RPL14: variants seen among roughly 807,000 people sequenced by gnomAD.
RPL14 encodes the protein ribosomal protein L14.
A neutral mutation model predicts 25.3 loss-of-function variants in RPL14; 4 were observed. The ratio of observed to expected loss-of-function variants is 0.16; its 90% confidence interval spans 0.08 to 0.36. The LOEUF is 0.36. Among genes scored for constraint, RPL14 ranks in the 10% least tolerant of loss-of-function variants. The pLI is 1.00. For synonymous variants in RPL14, 75 were observed against 89.8 expected (o/e 0.84, Z 0.93); for missense variants, 212 against 261.9 (o/e 0.81, Z 1.31).
chr3:40,458,127 A>G, intron 2 of RPL14, 136 bp downstream of exon 2: 2 of 723,898 alleles, frequency 2.8e-6, no homozygotes, highest in South Asian at 1.6e-5. Flanking sequence ...GGAAACAGGT[A>G]ATGGTACGGG....
chr3:40,466,771 T>A lies in RPL14; in HGVS notation c.*4539T>A, dbSNP rs529823900. ...GTACTTAGTAATTTGGGTTGAATTG[T>A]GTTGAACTAACCTGGCGGTATAGGC... is the stretch of plus-strand genomic sequence containing the variant. On this transcript the variant is annotated 3_prime_UTR_variant, in exon 6 of 6. Transcript: ENST00000396203. 6.6e-6 allele frequency: 1 copy of A among 152,346 alleles called. No individual in the cohort carries two copies. The highest frequency in any genetic ancestry group is 6.5e-5 in the Admixed American group (1 of 15,302). The allele number at this position is 152,346 out of a possible 1,614,324, so 9.4% of individuals were successfully genotyped here. A position where few individuals can be genotyped will look rare whatever the true frequency, so the allele number is the denominator to read the frequency against.
rs1223309101 is a variant in RPL14, at chr3:40,461,679, T to C, written c.354+18T>C. The C allele has an allele frequency of 1.3e-6, 2 of 1,584,820 alleles. No individual in the cohort carries two copies. The highest frequency in any genetic ancestry group is 2.2e-5 in the East Asian group (1 of 44,732). The stretch of plus-strand genomic sequence containing the variant: ...AGAAAATGGTAAGATTTAAGATCTG[T>C]ATTTTTGTGTAACTTAGCTTTAAAT... On this transcript the variant is annotated intron_variant, in intron 5 of 5. Transcript: ENST00000396203.
chr3:40,457,610 C>T (rs1470286591), intron 1 of RPL14, 136 bp downstream of exon 1: 2 of 736,480 alleles, frequency 2.7e-6, no homozygotes, highest in Non-Finnish European at 4.4e-6. Context: ...CGCGCCTCCG[C>T]CGCTGGAGCT....
Position 40,464,633 on chromosome 3 carries a change from G to C in RPL14, c.*2401G>C. 2.3e-6 allele frequency: 1 copy of C among 425,812 alleles called. No homozygotes were observed. The highest frequency in any genetic ancestry group is 1.7e-5 in the South Asian group (1 of 59,176). The allele number at this position is 425,812 out of a possible 1,614,324, so 26.4% of individuals were successfully genotyped here. A position where few individuals can be genotyped will look rare whatever the true frequency, so the allele number is the denominator to read the frequency against. On this transcript the variant is annotated 3_prime_UTR_variant, in exon 6 of 6. Coordinates refer to ENST00000396203, the MANE Select transcript of RPL14 (RefSeq NM_001034996.3). ...AAAATGGCGTGATATCTCAGATTTA[G>C]ATCATTGAACTGTTAAGACTGAATC...
rs1358103725 is a variant in RPL14, at chr3:40,464,956, A to G, written c.*2724A>G. The G allele has an allele frequency of 5.8e-6, 1 of 172,954 alleles. No individual in the cohort carries two copies. Among genetic ancestry groups the G allele is most frequent in the Non-Finnish European group, 1.3e-5 (1 of 79,686 alleles). The allele number at this position is 172,954 out of a possible 1,614,324, so 10.7% of individuals were successfully genotyped here. ...CTAAAATCCTGGCTCTGCCTCTTGA[A>G]AGCTATGTAGTTTAGGCACATAGTC... On this transcript the variant is annotated 3_prime_UTR_variant, in exon 6 of 6. Coordinates refer to ENST00000396203, the MANE Select transcript of RPL14 (RefSeq NM_001034996.3).
chr3:40,462,373 C>CTTTTTT lies in RPL14; in HGVS notation c.*157_*162dup, dbSNP rs35229215. 8.5e-4 allele frequency: 284 copies of CTTTTTT among 332,340 alleles called. 1 individual carries two copies. The highest frequency in any genetic ancestry group is 1.7e-3 in the South Asian group (47 of 26,872). The allele number at this position is 332,340 out of a possible 1,614,324, so 20.6% of individuals were successfully genotyped here. A position where few individuals can be genotyped will look rare whatever the true frequency, so the allele number is the denominator to read the frequency against. On this transcript the variant is annotated 3_prime_UTR_variant, in exon 6 of 6. Coordinates refer to ENST00000396203, the MANE Select transcript of RPL14 (RefSeq NM_001034996.3). ...ATAATAAACATTAAATAATCAGTTC[C>CTTTTTT]TTTTTTTTTTTTTTTTTTTTTGAGA...
In RPL14 at chr3:40,467,593, C is replaced by T. The variant is rs374989632; in HGVS notation, c.*5361C>T. 5.9e-5 allele frequency: 9 copies of T among 152,416 alleles called. No individual in the cohort carries two copies. The East Asian group carries it at 1.5e-3, about 26-fold the overall frequency. The allele number at this position is 152,416 out of a possible 1,614,324, so 9.4% of individuals were successfully genotyped here. On this transcript the variant is annotated 3_prime_UTR_variant, in exon 6 of 6. Coordinates refer to ENST00000396203, the MANE Select transcript of RPL14 (RefSeq NM_001034996.3). ...TCAGTCTACCCATTCAAATGCCAAT[C>T]TCTTCCAGAGGTAATCTCACAGATT... is the stretch of plus-strand genomic sequence containing the variant.
intron 5 of RPL14, 32 bp downstream of exon 5, chr3:40,461,693 T>G: frequency 6.4e-7 from 1 of 1,569,276 alleles, no homozygotes; most frequent in African/African-American, 1.4e-5. Flanking sequence ...TTTGTGTAAC[T>G]TAGCTTTAAA....
chr3:40,457,569 G>A, intron 1 of RPL14, 95 bp downstream of exon 1: 1 of 1,074,666 alleles, frequency 9.3e-7, no homozygotes. Flanking sequence ...TGGAGGGCCC[G>A]GCAGGCCTGG....
At position 40,466,256 on chromosome 3, in the gene RPL14, G is replaced by A. The variant is rs569366282; in HGVS notation, c.*4024G>A. 1 of 152,264 alleles carries A rather than the reference G, an allele frequency of 6.6e-6. No individual in the cohort carries two copies. The highest frequency in any genetic ancestry group is 1.5e-5 in the Non-Finnish European group (1 of 68,056). 9.4% of individuals were successfully genotyped at this position (152,264 alleles called of 1,614,324 possible). A position where few individuals can be genotyped will look rare whatever the true frequency, so the allele number is the denominator to read the frequency against. The stretch of plus-strand genomic sequence containing the variant: ...CAGTCTGGTAGCATAGTGTGGATTG[G>A]GTTGGGGGATGGGGAAGGAGAGCAG... On this transcript the variant is annotated 3_prime_UTR_variant, in exon 6 of 6. Transcript: ENST00000396203.
intron 1 of RPL14, 55 bp downstream of exon 1, chr3:40,457,529 C>G: frequency 1.4e-6 from 2 of 1,405,502 alleles, no homozygotes; most frequent in Admixed American, 4.0e-5. Flanking sequence ...CGGACTCGCG[C>G]CCTTCCCGGA....
intron 2 of RPL14, 138 bp from the exon 3 acceptor site, chr3:40,458,504 C>T: frequency 1.5e-6 from 1 of 656,208 alleles, no homozygotes; most frequent in Non-Finnish European, 2.7e-6. Flanking sequence ...TAGGACAATC[C>T]TTGTCTTTTC....
chr3:40,461,093 G>A (rs946406936), intron 3 of RPL14, among the ~76,000 whole-genome samples: 1 of 152,070 alleles, frequency 6.6e-6, no homozygotes, highest in Admixed American at 6.6e-5. Flanking sequence ...CTACTTGGGA[G>A]GCTGAGGCAG....
Position 40,460,677 on chromosome 3 carries a change from A to C in RPL14, c.201-730A>C, listed in dbSNP as rs554901190. ...CACCCAGGCTAGAGTGCAGTGACGC[A>C]ATCTTGACTCACTGCAACCTCAGGC... On this transcript the variant is annotated intron_variant, in intron 3 of 5. Transcript: ENST00000396203. Among the ~76,000 whole-genome samples the C allele has an allele frequency of 7.9e-5, 12 of 151,354 alleles. No homozygotes were observed. The East Asian group carries it at 1.9e-3, about 25-fold the overall frequency.
rs1696983957 is a variant in RPL14 at position 40,463,649 on chromosome 3, G to A, written c.*1417G>A. On this transcript the variant is annotated 3_prime_UTR_variant, in exon 6 of 6. Coordinates refer to ENST00000396203, the MANE Select transcript of RPL14 (RefSeq NM_001034996.3). The stretch of plus-strand genomic sequence containing the variant: ...TTAAAAATCCCTAGCCTACCCGCAT[G>A]GTGGGTTATGGTCAAAATACAGGTA... The A allele has an allele frequency of 6.6e-6, 1 of 152,208 alleles. No homozygotes were observed. The highest frequency in any genetic ancestry group is 6.6e-5 in the Admixed American group (1 of 15,256). The allele number at this position is 152,208 out of a possible 1,614,324, so 9.4% of individuals were successfully genotyped here.
rs1200521538 is a variant in RPL14, at chr3:40,466,208, A to C, written c.*3976A>C. 3 of 152,090 alleles carry C rather than the reference A, an allele frequency of 2.0e-5. No homozygotes were observed. The highest frequency in any genetic ancestry group is 2.0e-4 in the Admixed American group (3 of 15,254). 9.4% of individuals were successfully genotyped at this position (152,090 alleles called of 1,614,324 possible). ...TCTGTCTCAAAAAAAAGACTTGAGC[A>C]AGGGCGTAATCTTCAGGAAGGTCAG... On this transcript the variant is annotated 3_prime_UTR_variant, in exon 6 of 6. Coordinates refer to ENST00000396203, the MANE Select transcript of RPL14 (RefSeq NM_001034996.3).
rs1406384227 is a variant in RPL14 at position 40,467,831 on chromosome 3, T to C, written c.*5599T>C. The C allele has an allele frequency of 6.6e-6, 1 of 152,122 alleles. No individual in the cohort carries two copies. Among genetic ancestry groups the C allele is most frequent in the Admixed American group, 6.5e-5 (1 of 15,270 alleles). The allele number at this position is 152,122 out of a possible 1,614,324, so 9.4% of individuals were successfully genotyped here. A position where few individuals can be genotyped will look rare whatever the true frequency, so the allele number is the denominator to read the frequency against. The stretch of plus-strand genomic sequence containing the variant: ...TTTTTTGTGTGTGTGTGTTTTTTTT[T>C]TTTTTGAGACGAGGTCTTGCTCTCG... On this transcript the variant is annotated 3_prime_UTR_variant, in exon 6 of 6. Coordinates refer to ENST00000396203, the MANE Select transcript of RPL14 (RefSeq NM_001034996.3).
At position 40,468,015 on chromosome 3, in the gene RPL14, T is replaced by A. The variant is rs2125628098; in HGVS notation, c.*5783T>A. 1 of 152,296 alleles carries A rather than the reference T, an allele frequency of 6.6e-6. No homozygotes were observed. Among genetic ancestry groups the A allele is most frequent in the South Asian group, 2.1e-4 (1 of 4,832 alleles). The allele number at this position is 152,296 out of a possible 1,614,324, so 9.4% of individuals were successfully genotyped here. A position where few individuals can be genotyped will look rare whatever the true frequency, so the allele number is the denominator to read the frequency against. ...TTTGTATTGTTAGTAGATACAGGGTTTCACCCTGTTAGCCAGGATGGTGGA... is the reference window on the plus strand; with the variant it reads ...TTTGTATTGTTAGTAGATACAGGGTATCACCCTGTTAGCCAGGATGGTGGA... On this transcript the variant is annotated 3_prime_UTR_variant, in exon 6 of 6. Coordinates refer to ENST00000396203, the MANE Select transcript of RPL14 (RefSeq NM_001034996.3).
chr3:40,464,349 A>G lies in RPL14; in HGVS notation c.*2117A>G. The G allele has an allele frequency of 2.5e-6, 1 of 398,044 alleles. No individual in the cohort carries two copies. Among genetic ancestry groups the G allele is most frequent in the Non-Finnish European group, 5.1e-6 (1 of 196,858 alleles). The allele number at this position is 398,044 out of a possible 1,614,324, so 24.7% of individuals were successfully genotyped here. ...AGGAAAAAGCACATTGATTTGCTTG[A>G]TAATAGGCAAGTGGTATGGTGTAAT... On this transcript the variant is annotated 3_prime_UTR_variant, in exon 6 of 6. Coordinates refer to ENST00000396203, the MANE Select transcript of RPL14 (RefSeq NM_001034996.3).
Sources: gnomAD v4.1 joint callset for allele counts (sites outside exome capture counted in the v4.1 genomes callset) on GRCh38, gnomAD v4.1.1 for gene constraint, MANE v1.5 for transcripts, NCBI Gene and HGNC (gene_info 2026-07-23, HGNC 2026-07-21) for gene names.